RELL1: variants seen among roughly 807,000 people sequenced by gnomAD.
RELL1 encodes the protein RELT like 1, also known as RELT-like protein 1.
A neutral mutation model predicts 23.0 loss-of-function variants in RELL1; 10 were observed. The ratio of observed to expected loss-of-function variants is 0.43; its 90% CI spans 0.27 to 0.74. RELL1 has a LOEUF of 0.74. Ranked by LOEUF, RELL1 falls within the 30% of genes least tolerant of loss-of-function variation. RELL1 has a pLI of 0.19. For synonymous variants in RELL1, 146 were observed against 146.8 expected (o/e 0.99, Z 0.04); for missense variants, 315 against 364.4 (o/e 0.86, Z 1.10).
chr4:37,668,451 C>G (rs891960581), intron 1 of RELL1, among the ~76,000 whole-genome samples: 2 of 152,136 alleles, frequency 1.3e-5, no homozygotes, highest in East Asian at 1.9e-4. Context: ...CTCCTAACCG[C>G]GAGTGATCCG....
chr4:37,629,388 A>G (rs979093503), intron 6 of RELL1, among the ~76,000 whole-genome samples: 6 of 152,330 alleles, frequency 3.9e-5, no homozygotes, highest in Admixed American at 2.0e-4. Context: ...CTGTAAAACT[A>G]TGATCATAGT....
chr4:37,663,906 C>T (rs1488900775), intron 1 of RELL1, among the ~76,000 whole-genome samples: 2 of 152,154 alleles, frequency 1.3e-5, no homozygotes, highest in African/African-American at 4.8e-5. Flanking sequence ...CTGCCTCTCT[C>T]CAATGACCCT....
intron 6 of RELL1, among the ~76,000 whole-genome samples, chr4:37,595,162 T>C (rs1718787714): frequency 6.6e-6 from 1 of 152,252 alleles, no homozygotes; most frequent in Admixed American, 6.5e-5. Context: ...GGTAAATCCT[T>C]TCCCTGTTAA....
downstream of RELL1, among the ~76,000 whole-genome samples, chr4:37,605,797 A>AAGAAAG (rs1553871640): frequency 3.6e-4 from 33 of 90,422 alleles, no homozygotes; most frequent in African/African-American, 1.5e-3. Context: ...AAGAAAGAGA[A>AAGAAAG]AGAAAGAAAG....
At chr4:37,681,870 CT>C (rs1271837849) in intron 1 of RELL1, among the ~76,000 whole-genome samples, 2 of 152,118 alleles carry the variant, frequency 1.3e-5, no homozygotes. Context: ...TGACTTAAGG[CT>C]TGGTGCTCTT....
chr4:37,588,127 G>C (rs978295556), downstream of RELL1: 3 of 152,254 alleles, frequency 2.0e-5, no homozygotes, highest in Admixed American at 2.0e-4. Context: ...GGAAATGATG[G>C]GGAAAAGCCC....
At chr4:37,649,697 T>G (rs1049987034) in intron 1 of RELL1, among the ~76,000 whole-genome samples, 197 bp from the exon 2 acceptor site, 1 of 152,258 alleles carries the variant, frequency 6.6e-6, no homozygotes. Flanking sequence ...CTGCTACTCA[T>G]GAACCAGGTC....
chr4:37,627,864 G>C (rs375104611), intron 6 of RELL1, among the ~76,000 whole-genome samples: 178 of 152,276 alleles, frequency 1.2e-3, no homozygotes, highest in African/African-American at 4.1e-3. Flanking sequence ...GACTGTATCA[G>C]ATTGTAGAAG....
chr4:37,649,236 T>C (rs374525766), intron 2 of RELL1, 40 bp downstream of exon 2: 8 of 1,494,296 alleles, frequency 5.4e-6, no homozygotes, highest in Non-Finnish European at 6.5e-6. Context: ...ATTTAAAAAC[T>C]GTCTCCTCAC....
At chr4:37,613,828 C>T (rs1355389272) in intron 6 of RELL1, among the ~76,000 whole-genome samples, 2 of 152,214 alleles carry the variant, frequency 1.3e-5, no homozygotes, top group South Asian at 2.1e-4. Flanking sequence ...TCAATGTCTA[C>T]GTTTACATCA....
chr4:37,649,438 T>C lies in RELL1; in HGVS notation c.151A>G (p.Thr51Ala), dbSNP rs1200487035. ...TETTPSPSND[T>A]GNGHPEYIAY... Reference sequence around the variant, plus strand: ...ATATATTCTGGGTGTCCATTCCCAGTATCGTTGCTGGGCGACGGGGTCGTC... The same window carrying C: ...ATATATTCTGGGTGTCCATTCCCAGCATCGTTGCTGGGCGACGGGGTCGTC... The change falls in exon 2 of 7, where the codon ACT (threonine) becomes GCT (alanine). Residue 51 changes from threonine to alanine, a missense_variant. Physicochemically the swap from Thr to Ala is moderately conservative, Grantham distance 58 (BLOSUM62 0). Coordinates refer to ENST00000454158, the MANE Select transcript of RELL1 (RefSeq NM_001085400.2). 1.9e-6 allele frequency: 3 copies of C among 1,614,206 alleles called. No individual in the cohort carries two copies. The highest frequency in any genetic ancestry group is 1.1e-5 in the South Asian group (1 of 91,088).
intron 3 of RELL1, among the ~76,000 whole-genome samples, chr4:37,642,351 G>A (rs995195059): frequency 1.3e-5 from 2 of 152,160 alleles, no homozygotes; most frequent in African/African-American, 4.8e-5. Flanking sequence ...GCCTAGCAGA[G>A]GAACTCAGCT....
Position 37,610,696 on chromosome 4 carries a change from C to T in RELL1, c.*2650G>A, listed in dbSNP as rs1335616659. On this transcript the variant is annotated 3_prime_UTR_variant, in exon 7 of 7. Transcript: ENST00000454158. This position sits in a 1 kb window ranked among gnomAD's most constrained non-coding sequence, Gnocchi z 4.1. ...GTACAAAAGTCATAAAAGTACAAAC[C>T]AGACAGTTAAAAATACACTTGACAC... Among the ~76,000 whole-genome samples, 1 of 152,080 alleles carries T rather than the reference C, an allele frequency of 6.6e-6. No individual in the cohort carries two copies. Among genetic ancestry groups the T allele is most frequent in the African/African-American group, 2.4e-5 (1 of 41,402 alleles).
Position 37,636,683 on chromosome 4 carries a change from G to A in RELL1, c.444-1560C>T, listed in dbSNP as rs143686939. On this transcript the variant is annotated intron_variant, in intron 4 of 6. Coordinates refer to ENST00000454158, the MANE Select transcript of RELL1 (RefSeq NM_001085400.2). ...TGAAGGCTCTGGCCCAGCAGAAAAG[G>A]AGGAATTCTAACCTAACAGAGCCAA... Among the ~76,000 whole-genome samples the A allele has an allele frequency of 2.2e-4, 34 of 152,204 alleles. No homozygotes were observed. The East Asian group carries it at 6.4e-3, about 29-fold the overall frequency.
chr4:37,679,106 A>C (rs994319511), intron 1 of RELL1, among the ~76,000 whole-genome samples: 3 of 152,178 alleles, frequency 2.0e-5, no homozygotes, highest in African/African-American at 7.2e-5. Context: ...CCAAGGTAAG[A>C]TGTCCGGCCC....
chr4:37,645,904 C>CA (rs1284363088), intron 3 of RELL1, among the ~76,000 whole-genome samples: 1 of 152,198 alleles, frequency 6.6e-6, no homozygotes, highest in African/African-American at 2.4e-5. Flanking sequence ...AACTGACAAA[C>CA]AGGCTGGGCA....
At chr4:37,662,398 C>A (rs1403677484) in intron 1 of RELL1, among the ~76,000 whole-genome samples, 1 of 151,876 alleles carries the variant, frequency 6.6e-6, no homozygotes, top group Non-Finnish European at 1.5e-5. Context: ...CAAAGATGAT[C>A]CAGAAAGAAA....
At chr4:37,676,034 C>T (rs559255251) in intron 1 of RELL1, among the ~76,000 whole-genome samples, 1 of 152,330 alleles carries the variant, frequency 6.6e-6, no homozygotes, top group East Asian at 1.9e-4. Context: ...TTCCACCTGA[C>T]CAACTCCTGC....
chr4:37,678,121 C>G (rs539111154), intron 1 of RELL1, among the ~76,000 whole-genome samples: 1 of 152,022 alleles, frequency 6.6e-6, no homozygotes, highest in East Asian at 1.9e-4. Flanking sequence ...CAGAAGGCAA[C>G]AGAGGAGCAG....
Sources: allele counts gnomAD v4.1 joint callset (sites outside exome capture counted in the v4.1 genomes callset), GRCh38; gene constraint gnomAD v4.1.1; non-coding constraint Gnocchi (gnomAD v3.1); transcripts MANE v1.5; gene names NCBI Gene and HGNC (gene_info 2026-07-23, HGNC 2026-07-21).